The following CLMP variants were observed in gnomAD, a reference collection of about 807,000 sequenced individuals.
CLMP encodes the protein CXADR-like membrane protein.
CLMP carries 27 observed loss-of-function variants against 45.2 expected under a neutral mutation model. That is an observed-to-expected ratio of 0.60 (90% CI 0.44 to 0.82). The LOEUF is 0.82. Ranked by LOEUF, CLMP falls within the 40% of genes least tolerant of loss-of-function variation. The probability of loss-of-function intolerance (pLI) is 0.00; values close to 1 mark genes in which losing one functional copy is unlikely to be tolerated. For synonymous variants in CLMP, 167 were observed against 171.4 expected (o/e 0.97, Z 0.20); for missense variants, 403 against 448.4 (o/e 0.90, Z 0.91).
At chr11:123,119,095 T>A (rs1467844354) in intron 1 of CLMP, among the ~76,000 whole-genome samples, 2 of 130,564 alleles carry the variant, frequency 1.5e-5, no homozygotes, top group East Asian at 4.8e-4. Flanking sequence ...CTCTCTTTCT[T>A]TTTTTGAGAT....
chr11:123,188,469 C>T (rs1048052796), intron 1 of CLMP, among the ~76,000 whole-genome samples: 3 of 151,778 alleles, frequency 2.0e-5, no homozygotes, highest in Non-Finnish European at 4.4e-5. Flanking sequence ...TCCTCCTCCT[C>T]CTCTCCTTTC....
chr11:123,108,069 A>AG (rs543502819), intron 1 of CLMP, among the ~76,000 whole-genome samples: 119 of 152,212 alleles, frequency 7.8e-4, no homozygotes, highest in African/African-American at 2.7e-3. Flanking sequence ...TTCTAGACGG[A>AG]GGGAGCACCT....
rs551247423 is a variant in CLMP, at chr11:123,126,815, C to T, written c.29-28863G>A. On this transcript the variant is annotated intron_variant, in intron 1 of 6. Transcript: ENST00000448775. The stretch of plus-strand genomic sequence containing the variant: ...GGGAGACTCAGGCAGGAGAATGGCA[C>T]GAACCTGGGAGGCGGAGCTTGCAGT... Among the ~76,000 whole-genome samples, 13 of 151,664 alleles carry T rather than the reference C, an allele frequency of 8.6e-5. No individual in the cohort carries two copies. The South Asian group carries it at 1.3e-3, about 15-fold the overall frequency.
rs1210697064 is a variant in CLMP at position 123,118,934 on chromosome 11, TTTCTTTCTTTCTTTC to T, written c.29-20997_29-20983del. On this transcript the variant is annotated intron_variant, in intron 1 of 6. Coordinates refer to ENST00000448775, the MANE Select transcript of CLMP (RefSeq NM_024769.5). The stretch of plus-strand genomic sequence containing the variant: ...GATCTTTGCATTTTCTTTTCTTTTC[TTTCTTTCTTTCTTTC>T]TTTCTTTCTTTCTTTCTTTCTTTCT... Among the ~76,000 whole-genome samples the T allele has an allele frequency of 4.9e-3, 137 of 28,114 alleles. 4 individuals carry two copies. The highest frequency in any genetic ancestry group is 0.011 in the South Asian group (9 of 800). 18.4% of individuals were successfully genotyped at this position (28,114 alleles called of 152,430 possible). A position where few individuals can be genotyped will look rare whatever the true frequency, so the allele number is the denominator to read the frequency against.
chr11:123,095,300 CTT>C lies in CLMP; in HGVS notation c.186+2493_186+2494del, dbSNP rs11284383. 5.5e-3 allele frequency among the ~76,000 whole-genome samples: 824 copies of C among 149,112 alleles called. 3 individuals carry two copies. The highest frequency in any genetic ancestry group is 6.9e-3 in the Non-Finnish European group (460 of 66,954). Reference sequence around the variant, plus strand: ...CTAATGAGAAAATTATCCAGTGAAACTTTTTTTTTTTTGAGACAGTCTTGCTC... The same window carrying C: ...CTAATGAGAAAATTATCCAGTGAAACTTTTTTTTTTGAGACAGTCTTGCTC... On this transcript the variant is annotated intron_variant, in intron 2 of 6. Coordinates refer to ENST00000448775, the MANE Select transcript of CLMP (RefSeq NM_024769.5).
intron 1 of CLMP, among the ~76,000 whole-genome samples, chr11:123,108,828 C>T (rs1261980737): frequency 6.6e-6 from 1 of 151,686 alleles, no homozygotes; most frequent in East Asian, 1.9e-4. Context: ...CTGAGGCGGG[C>T]GGATCACCTG....
intron 1 of CLMP, among the ~76,000 whole-genome samples, chr11:123,150,323 A>G (rs932215136): frequency 6.6e-6 from 1 of 150,652 alleles, no homozygotes; most frequent in African/African-American, 2.5e-5. Context: ...GGGAGTTCCA[A>G]GGAAGATCTT....
chr11:123,095,647 T>A (rs554554273), intron 2 of CLMP, among the ~76,000 whole-genome samples: 10 of 152,144 alleles, frequency 6.6e-5, no homozygotes, highest in African/African-American at 2.4e-4. Flanking sequence ...GAGTCAGAGA[T>A]TGGGCTTGAC....
intron 1 of CLMP, among the ~76,000 whole-genome samples, chr11:123,143,509 G>A (rs1436630442): frequency 2.1e-5 from 3 of 146,086 alleles, no homozygotes; most frequent in Non-Finnish European, 4.5e-5. Flanking sequence ...CATGTGAACC[G>A]CCTATGGGGG....
At chr11:123,172,728 C>T (rs1328317028) in intron 1 of CLMP, among the ~76,000 whole-genome samples, 1 of 152,204 alleles carries the variant, frequency 6.6e-6, no homozygotes, top group Non-Finnish European at 1.5e-5. Flanking sequence ...TCAAGTGATC[C>T]ACCTGCCTTG....
intron 1 of CLMP, among the ~76,000 whole-genome samples, chr11:123,119,052 CCTCTCTCTCTCTCTCTCT>C (rs759949891): frequency 2.1e-4 from 4 of 19,454 alleles, no homozygotes; most frequent in Non-Finnish European, 3.5e-4. Flanking sequence ...TCTCCCTCTC[CCTCTCTCTCTCTCTCTCT>C]CTCTCTCTCT....
intron 1 of CLMP, among the ~76,000 whole-genome samples, chr11:123,170,745 C>A (rs771614311): frequency 6.6e-6 from 1 of 152,130 alleles, no homozygotes. Flanking sequence ...CCAGCCGAAG[C>A]CTGCTTTTTC....
In CLMP at chr11:123,097,966, A is replaced by G. The variant is rs1490902650; in HGVS notation, c.29-14T>C. 1 of 1,536,412 alleles carries G rather than the reference A, an allele frequency of 6.5e-7. No homozygotes were observed. Among genetic ancestry groups the G allele is most frequent in the Admixed American group, 2.1e-5 (1 of 48,208 alleles). On this transcript the variant is annotated splice_polypyrimidine_tract_variant and intron_variant, in intron 1 of 6. Coordinates refer to ENST00000448775, the MANE Select transcript of CLMP (RefSeq NM_024769.5). ...CATAGTAGGAAACTGGAAGAGGAAAATCTTTAATGAGTAATGCAGAGACTG... is the reference window on the plus strand; with the variant it reads ...CATAGTAGGAAACTGGAAGAGGAAAGTCTTTAATGAGTAATGCAGAGACTG...
At chr11:123,134,660 A>AAAAGG (rs55676371) in intron 1 of CLMP, among the ~76,000 whole-genome samples, 1 of 151,424 alleles carries the variant, frequency 6.6e-6, no homozygotes, top group Non-Finnish European at 1.5e-5. Flanking sequence ...AAAAATATAA[A>AAAAGG]AGCCCAGCAT....
intron 1 of CLMP, among the ~76,000 whole-genome samples, chr11:123,182,986 A>G (rs917243517): frequency 2.6e-5 from 4 of 152,196 alleles, no homozygotes; most frequent in Admixed American, 2.6e-4. Flanking sequence ...ATAAAATGCA[A>G]GCTTAGAAAA....
At chr11:123,111,640 A>C (rs1860640296) in intron 1 of CLMP, among the ~76,000 whole-genome samples, 1 of 152,176 alleles carries the variant, frequency 6.6e-6, no homozygotes, top group Non-Finnish European at 1.5e-5. Flanking sequence ...TATTCTTAGT[A>C]ACAAGGATTC....
chr11:123,153,258 G>A (rs997326311), intron 1 of CLMP, among the ~76,000 whole-genome samples: 2 of 152,158 alleles, frequency 1.3e-5, no homozygotes, highest in Non-Finnish European at 1.5e-5. Context: ...GGCTTCCAGC[G>A]TTTGAGCAAA....
chr11:123,102,267 C>CTATCTT (rs1349920515), intron 1 of CLMP, among the ~76,000 whole-genome samples: 1 of 147,584 alleles, frequency 6.8e-6, no homozygotes, highest in Non-Finnish European at 1.5e-5. Flanking sequence ...GCCCTTTGAG[C>CTATCTT]TATCTTTCCA....
At chr11:123,083,954 T>C in intron 3 of CLMP, 107 bp from the exon 4 acceptor site, 2 of 1,335,068 alleles carry the variant, frequency 1.5e-6, no homozygotes, top group Non-Finnish European at 1.0e-6. Flanking sequence ...GCCATCTGTT[T>C]TGGTCAACTT....
Sources: allele counts gnomAD v4.1 joint callset (sites outside exome capture counted in the v4.1 genomes callset), GRCh38; gene constraint gnomAD v4.1.1; transcripts MANE v1.5; gene names NCBI Gene and HGNC (gene_info 2026-07-23, HGNC 2026-07-21).